SHANK2: variants seen among roughly 807,000 people sequenced by gnomAD.
The protein encoded by SHANK2 is SH3 and multiple ankyrin repeat domains 2.
SHANK2 carries 43 observed loss-of-function variants against 133.7 expected under a neutral mutation model. That is an observed-to-expected ratio of 0.32 (90% confidence interval 0.25 to 0.41). The LOEUF (loss-of-function observed/expected upper bound fraction) is 0.41. Ranked by LOEUF, SHANK2 falls within the 10% of genes least tolerant of loss-of-function variation. The probability of loss-of-function intolerance (pLI) is 1.00; values close to 1 mark genes in which losing one functional copy is unlikely to be tolerated. For synonymous variants in SHANK2, 1,017 were observed against 952.8 expected, an observed-to-expected ratio of 1.07 and a Z score of -1.24; for missense variants, 1,994 against 2,235.8, an observed-to-expected ratio of 0.89 and a Z score of 2.18.
chr11:70,552,647 G>A (rs903587798), intron 17 of SHANK2, among the ~76,000 whole-genome samples: 2 of 152,294 alleles, frequency 1.3e-5, no homozygotes, highest in Admixed American at 6.5e-5. Flanking sequence ...TCTGGGGCTC[G>A]TCGCTGGGCG....
intron 14 of SHANK2, among the ~76,000 whole-genome samples, chr11:70,723,329 C>A (rs570325189): frequency 2.0e-5 from 3 of 152,044 alleles, no homozygotes; most frequent in Non-Finnish European, 4.4e-5. Context: ...CTCTCTCTCT[C>A]GCTGGCCTGA....
At chr11:70,729,195 TA>T (rs34711436) in intron 14 of SHANK2, among the ~76,000 whole-genome samples, 1 of 144,608 alleles carries the variant, frequency 6.9e-6, no homozygotes, top group African/African-American at 2.6e-5. Flanking sequence ...AGAATTCATC[TA>T]AAAAAAAATT....
chr11:70,501,973 T>G (rs781838029), intron 19 of SHANK2, 42 bp from the exon 20 acceptor site: 51 of 1,551,018 alleles, frequency 3.3e-5, no homozygotes, highest in Non-Finnish European at 3.9e-5. Flanking sequence ...CAATGTTAGA[T>G]AAACAGAAAA....
chr11:71,228,830 T>C (rs1954687153), intron 1 of SHANK2, among the ~76,000 whole-genome samples: 1 of 152,064 alleles, frequency 6.6e-6, no homozygotes, highest in Admixed American at 6.5e-5. Context: ...TTCATGAATA[T>C]AGACACAGAA....
intron 2 of SHANK2, among the ~76,000 whole-genome samples, chr11:71,177,808 C>T (rs376120923): frequency 2.0e-5 from 3 of 151,922 alleles, no homozygotes; most frequent in Non-Finnish European, 4.4e-5. Context: ...CAAATAAGCA[C>T]GTGAAAAAAA....
At chr11:71,119,946 T>C (rs1418756608) in intron 3 of SHANK2, among the ~76,000 whole-genome samples, 1 of 152,196 alleles carries the variant, frequency 6.6e-6, no homozygotes, top group Admixed American at 6.5e-5. Flanking sequence ...GAGAAAGTTT[T>C]CATACTACCT....
chr11:70,711,567 G>A (rs552474969), intron 14 of SHANK2, among the ~76,000 whole-genome samples: 3 of 152,356 alleles, frequency 2.0e-5, no homozygotes, highest in African/African-American at 4.8e-5. Context: ...AGGAGTGTGC[G>A]GGGCTTGGAG....
intron 17 of SHANK2, among the ~76,000 whole-genome samples, chr11:70,548,378 C>T (rs976488519): frequency 5.9e-5 from 9 of 152,246 alleles, no homozygotes; most frequent in Admixed American, 2.0e-4. Context: ...GGTGGGGAGA[C>T]TCTGCTTCTA....
intron 10 of SHANK2, among the ~76,000 whole-genome samples, chr11:70,910,263 G>T (rs1950171209): frequency 1.3e-5 from 2 of 152,218 alleles, no homozygotes; most frequent in South Asian, 4.1e-4. Flanking sequence ...CTTAGCACAA[G>T]AGTACGCAGA....
chr11:71,120,948 T>C (rs1952074547), intron 3 of SHANK2, among the ~76,000 whole-genome samples: 2 of 152,368 alleles, frequency 1.3e-5, no homozygotes, highest in South Asian at 2.1e-4. Context: ...AGGGGACTTC[T>C]GTGCCACTGC....
At chr11:71,239,586 G>A (rs552421644) in intron 1 of SHANK2, among the ~76,000 whole-genome samples, 9 of 152,088 alleles carry the variant, frequency 5.9e-5, no homozygotes, top group African/African-American at 2.2e-4. Flanking sequence ...TCAGCCTCCC[G>A]AGAAGCTGGG....
intron 15 of SHANK2, among the ~76,000 whole-genome samples, chr11:70,693,676 C>T (rs539738423): frequency 6.6e-6 from 1 of 152,276 alleles, no homozygotes; most frequent in Admixed American, 6.5e-5. Context: ...TTGTTTATAT[C>T]CTCAGCTCCC....
At chr11:70,924,569 G>C (rs554352030) in intron 10 of SHANK2, among the ~76,000 whole-genome samples, 318 of 152,302 alleles carry the variant, frequency 2.1e-3, no homozygotes, top group African/African-American at 7.3e-3. Context: ...TGGTTCTCCT[G>C]CCTCAGCCTC....
chr11:70,605,612 G>A (rs371793350), intron 17 of SHANK2, among the ~76,000 whole-genome samples: 9 of 152,240 alleles, frequency 5.9e-5, no homozygotes, highest in African/African-American at 2.2e-4. Context: ...GTGAAGCTCA[G>A]ATGTATCAGG....
At chr11:70,602,578 C>T (rs369745328) in intron 17 of SHANK2, among the ~76,000 whole-genome samples, 8 of 152,188 alleles carry the variant, frequency 5.3e-5, no homozygotes, top group African/African-American at 1.7e-4. Flanking sequence ...CTCCACGAGG[C>T]TCTGGAAACA....
intron 8 of SHANK2, among the ~76,000 whole-genome samples, chr11:71,080,642 C>A (rs1283123129): frequency 6.6e-6 from 1 of 152,280 alleles, no homozygotes; most frequent in East Asian, 1.9e-4. Context: ...AAACATATGC[C>A]TTGTGACATG....
intron 17 of SHANK2, among the ~76,000 whole-genome samples, chr11:70,555,290 A>G (rs1453797685): frequency 1.3e-5 from 2 of 152,230 alleles, no homozygotes; most frequent in African/African-American, 4.8e-5. Flanking sequence ...TGTTCAAGTG[A>G]AAGGAAGCGT....
chr11:71,217,588 C>T (rs1372402787), intron 2 of SHANK2, among the ~76,000 whole-genome samples: 4 of 152,126 alleles, frequency 2.6e-5, no homozygotes, highest in Non-Finnish European at 5.9e-5. Context: ...CAGGAGATGC[C>T]AGCTCCACGC....
chr11:70,631,383 CA>C (rs1555002125), intron 17 of SHANK2: 21 of 147,370 alleles, frequency 1.4e-4, no homozygotes, highest in African/African-American at 4.7e-4. Flanking sequence ...GTTACACACA[CA>C]CACACACACA....
Sources: allele counts gnomAD v4.1 joint callset (sites outside exome capture counted in the v4.1 genomes callset), GRCh38; gene constraint gnomAD v4.1.1; transcripts MANE v1.5; gene names NCBI Gene and HGNC (gene_info 2026-07-23, HGNC 2026-07-21).